TTN: variants seen among roughly 807,000 people sequenced by gnomAD.
TTN encodes titin, also known as connectin.
In TTN, 1,525 loss-of-function variants were observed where a neutral mutation model predicts 3,223.0. The observed-to-expected ratio is 0.47, with a 90% CI of 0.45 to 0.49. TTN has a LOEUF of 0.49. Among genes scored for constraint, TTN ranks in the 20% least tolerant of loss-of-function variants. The probability of loss-of-function intolerance (pLI) is 0.00; values close to 1 mark genes in which losing one functional copy is unlikely to be tolerated. For missense variants in TTN, 40,786 were observed against 43,424.0 expected, an observed-to-expected ratio of 0.94 and a Z score of 5.40; for synonymous variants, 14,094 against 15,161.0, an observed-to-expected ratio of 0.93 and a Z score of 5.17.
chr2:178,609,626 A>G lies in TTN; in HGVS notation c.51740-56T>C, dbSNP rs1023885753. Reference sequence around the variant, plus strand: ...AATTCTGATGAAAATAACTGACAAAACATTATTTTCATTTATTTCAAAATG... The same window carrying G: ...AATTCTGATGAAAATAACTGACAAAGCATTATTTTCATTTATTTCAAAATG... On this transcript the variant is annotated intron_variant, in intron 272 of 362. Coordinates refer to ENST00000589042, the MANE Select transcript of TTN (RefSeq NM_001267550.2). 9.0e-6 allele frequency: 14 copies of G among 1,552,728 alleles called. No homozygotes were observed. In the African/African-American group the frequency reaches 1.1e-4, roughly 12 times the overall value.
At chr2:178,750,189 G>T in intron 47 of TTN, 1 of 1,613,182 alleles carries the variant, frequency 6.2e-7, no homozygotes, top group Non-Finnish European at 8.5e-7. Flanking sequence ...CTCATAGATG[G>T]ATGGGCGCCT....
intron 10 of TTN, 138 bp downstream of exon 10, chr2:178,791,934 C>T (rs951768784): frequency 1.2e-6 from 1 of 869,270 alleles, no homozygotes; most frequent in East Asian, 2.9e-5. Flanking sequence ...AGTTTCAATA[C>T]TAGACATAGA....
chr2:178,536,647 AAG>A, intron 356 of TTN, 72 bp from the exon 357 acceptor site: 1 of 1,336,034 alleles, frequency 7.5e-7, no homozygotes, highest in Non-Finnish European at 9.9e-7. Flanking sequence ...TTTTTTAAAA[AAG>A]AATGTTATAT....
chr2:178,639,802 TC>T lies in TTN; in HGVS notation c.40787-15del. On this transcript the variant is annotated splice_polypyrimidine_tract_variant and intron_variant, in intron 222 of 362. Coordinates refer to ENST00000589042, the MANE Select transcript of TTN (RefSeq NM_001267550.2). Reference sequence around the variant, plus strand: ...TTGTTTTCACTTCTGTAGAGAGAAGTCCATTGCATTAGTGTATCAATTTGTC... The same window carrying T: ...TTGTTTTCACTTCTGTAGAGAGAAGTCATTGCATTAGTGTATCAATTTGTC... The T allele has an allele frequency of 6.4e-7, 1 of 1,568,328 alleles. No individual in the cohort carries two copies. The highest frequency in any genetic ancestry group is 8.6e-7 in the Non-Finnish European group (1 of 1,161,578).
At chr2:178,729,604 G>C in intron 63 of TTN, 38 bp from the exon 64 acceptor site, 1 of 1,612,750 alleles carries the variant, frequency 6.2e-7, no homozygotes, top group Non-Finnish European at 8.5e-7. Context: ...TTACTCAAGG[G>C]AAGACCCCAA....
intron 114 of TTN, 41 bp from the exon 115 acceptor site, chr2:178,695,451 G>C (rs1560451226): frequency 1.3e-6 from 2 of 1,524,422 alleles, no homozygotes; most frequent in Non-Finnish European, 1.8e-6. Context: ...TGCTTAAATA[G>C]GTAAGTTCTC....
Position 178,565,381 on chromosome 2 carries a change from A to G in TTN, c.80751T>C (p.Gly26917=). 1 of 1,613,560 alleles carries G rather than the reference A, an allele frequency of 6.2e-7. No homozygotes were observed. ...CTCTTGTTGTCTGTTTAAGAGGCTCACCATCTTTGACCCAAGAAATGTTAG... is the reference window on the plus strand; with the variant it reads ...CTCTTGTTGTCTGTTTAAGAGGCTCGCCATCTTTGACCCAAGAAATGTTAG... The part of the protein sequence containing the change: ...PRPNISWVKD[G]EPLKQTTRVN... The change falls in exon 326 of 363, where the codon GGT becomes GGC. Residue 26917 remains glycine, a synonymous_variant. Coordinates refer to ENST00000589042, the MANE Select transcript of TTN (RefSeq NM_001267550.2).
Position 178,712,046 on chromosome 2 carries a change from G to C in TTN, c.27784C>G (p.Leu9262Val), listed in dbSNP as rs897313799. Reference protein sequence around the residue: ...KMHFRNNVATLVFNQVDINDS... With the variant: ...KMHFRNNVATVVFNQVDINDS... ...TTAATATCAACCTGGTTGAAAACCAGTGTAGCAACATTATTCCTAAAATGC... is the reference window on the plus strand; with the variant it reads ...TTAATATCAACCTGGTTGAAAACCACTGTAGCAACATTATTCCTAAAATGC... Residue 9262 changes from leucine (L) to valine (V), a missense_variant, in exon 96 of 363, where the codon CTG becomes GTG. Leu to Val is a conservative substitution (Grantham distance 32). Coordinates refer to ENST00000589042, the MANE Select transcript of TTN (RefSeq NM_001267550.2). The C allele has an allele frequency of 6.2e-7, 1 of 1,613,712 alleles. No homozygotes were observed. Among genetic ancestry groups the C allele is most frequent in the African/African-American group, 1.3e-5 (1 of 74,916 alleles).
chr2:178,572,239 A>G lies in TTN; in HGVS notation c.73893T>C (p.Asn24631=), dbSNP rs1226900593. ...GTTTCTCCCAAGAGAGTGACACACTATTTCTTGTGACATCCATCAAAGTTA... is the reference window on the plus strand; with the variant it reads ...GTTTCTCCCAAGAGAGTGACACACTGTTTCTTGTGACATCCATCAAAGTTA... ...GKITLMDVTR[N]SVSLSWEKPE... Residue 24631 remains asparagine (N), a synonymous_variant, in exon 326 of 363, where the codon AAT becomes AAC. Coordinates refer to ENST00000589042, the MANE Select transcript of TTN (RefSeq NM_001267550.2). 2 of 1,613,228 alleles carry G rather than the reference A, an allele frequency of 1.2e-6. No individual in the cohort carries two copies. The highest frequency in any genetic ancestry group is 1.7e-5 in the Admixed American group (1 of 59,952).
chr2:178,706,767 A>T (rs777184585), intron 101 of TTN, 28 bp from the exon 102 acceptor site: 8 of 1,597,382 alleles, frequency 5.0e-6, no homozygotes. Flanking sequence ...CAAGTGAATA[A>T]AAATTTAATT....
chr2:178,577,595 G>A lies in TTN; in HGVS notation c.68824+7C>T, dbSNP rs770203042. On this transcript the variant is annotated splice_region_variant and intron_variant, in intron 323 of 362. Coordinates refer to ENST00000589042, the MANE Select transcript of TTN (RefSeq NM_001267550.2). ...AAAAAAGTACATAAAAAGTAAAATGGACCTACCGTATTCATCCTTGCAAAT... is the reference window on the plus strand; with the variant it reads ...AAAAAAGTACATAAAAAGTAAAATGAACCTACCGTATTCATCCTTGCAAAT... 1 of 1,578,664 alleles carries A rather than the reference G, an allele frequency of 6.3e-7. No homozygotes were observed. Among genetic ancestry groups the A allele is most frequent in the Non-Finnish European group, 8.6e-7 (1 of 1,164,818 alleles).
intron 167 of TTN, 35 bp downstream of exon 167, chr2:178,664,619 T>C (rs1387382348): frequency 6.2e-7 from 1 of 1,608,944 alleles, no homozygotes; most frequent in South Asian, 1.1e-5. Context: ...AGAAAAGACA[T>C]GTTCCCACCC....
Position 178,569,300 on chromosome 2 carries a change from G to C in TTN, c.76832C>G (p.Thr25611Arg). Residue 25611 changes from threonine to arginine, a missense_variant, in exon 326 of 363, where the codon ACA becomes AGA. Physicochemically the swap from Thr to Arg is moderately conservative, Grantham distance 71. Coordinates refer to ENST00000589042, the MANE Select transcript of TTN (RefSeq NM_001267550.2). ...TGATACTGAGTCTTTGGTGATTTCTGTGACTTTCAGGTTAACAGGTGGACT... is the reference window on the plus strand; with the variant it reads ...TGATACTGAGTCTTTGGTGATTTCTCTGACTTTCAGGTTAACAGGTGGACT... ...TPSPPVNLKV[T>R]EITKDSVSIT... The C allele has an allele frequency of 6.2e-7, 1 of 1,611,440 alleles. No individual in the cohort carries two copies. Among genetic ancestry groups the C allele is most frequent in the Non-Finnish European group, 8.5e-7 (1 of 1,178,522 alleles).
At chr2:178,617,065 T>C in intron 255 of TTN, 52 bp from the exon 256 acceptor site, 1 of 1,610,876 alleles carries the variant, frequency 6.2e-7, no homozygotes, top group Non-Finnish European at 8.5e-7. Flanking sequence ...AAGTCCCTGT[T>C]GCCCCAAAGT....
In TTN at chr2:178,740,857, C is replaced by A; in HGVS notation, c.12376G>T (p.Glu4126Ter). The change falls in exon 48 of 363, where the codon GAA (glutamate) becomes TAA (stop). Residue 4126 changes from glutamate to a stop codon, truncating the protein, a stop_gained. Transcript: ENST00000589042. LOFTEE classifies it high-confidence loss of function. ...ATGCAAAGAAATTCCCTGGTGCTTT[C>A]AGGAGTGAGCTTGTCTTGCTCCAAA... ...SILEQDKLTP[E>*]STREFLCING... 1 of 1,613,878 alleles carries A rather than the reference C, an allele frequency of 6.2e-7. No homozygotes were observed. The highest frequency in any genetic ancestry group is 8.5e-7 in the Non-Finnish European group (1 of 1,179,828).
In TTN at chr2:178,533,110, G is replaced by A. The variant is rs1223855985; in HGVS notation, c.103505C>T (p.Ala34502Val). The change falls in exon 358 of 363, where the codon GCT (alanine) becomes GTT (valine). Residue 34502 changes from alanine (A) to valine (V), a missense_variant. Ala to Val is a moderately conservative substitution (Grantham distance 64). Transcript: ENST00000589042. ...SVPLTQVAKE[A>V]LREAAVLYKP... Reference sequence around the variant, plus strand: ...ATAAAGGACAGCAGCTTCTCTCAGAGCCTCTTTAGCTACCTGTGTCAGTGG... The same window carrying A: ...ATAAAGGACAGCAGCTTCTCTCAGAACCTCTTTAGCTACCTGTGTCAGTGG... The A allele has an allele frequency of 3.7e-6, 6 of 1,613,844 alleles. No individual in the cohort carries two copies. The Admixed American group carries it at 1.0e-4, about 27-fold the overall frequency.
In TTN at chr2:178,665,777, G is replaced by T. The variant is rs1266298136; in HGVS notation, c.35890C>A (p.Arg11964=). 2.3e-6 allele frequency: 3 copies of T among 1,294,556 alleles called. No individual in the cohort carries two copies. The highest frequency in any genetic ancestry group is 5.8e-4 in the Middle Eastern group (2 of 3,442). 80.2% of individuals were successfully genotyped at this position (1,294,556 alleles called of 1,614,324 possible). A position where few individuals can be genotyped will look rare whatever the true frequency, so the allele number is the denominator to read the frequency against. ...TPSPTVPESP[R]EIVPVKETPM... is the part of the protein sequence containing the mutation. Reference sequence around the variant, plus strand: ...GTTTCCTTTACAGGGACAATTTCTCGAGGTGATTCAGGCACTTTAAAGATA... The same window carrying T: ...GTTTCCTTTACAGGGACAATTTCTCTAGGTGATTCAGGCACTTTAAAGATA... The change falls in exon 164 of 363, where the codon CGA becomes AGA. Residue 11964 remains arginine, a synonymous_variant. Transcript: ENST00000589042.
chr2:178,718,379 AGCTG>A lies in TTN; in HGVS notation c.24723_24726del (p.Ser8242AlafsTer2). The stretch of plus-strand genomic sequence containing the variant: ...TGACCAGCCTCATTTTCTATCAGGC[AGCTG>A]TACTGTGCATAATCCTCTATTGTGC... On this transcript the variant is annotated frameshift_variant, in exon 85 of 363. Transcript: ENST00000589042. LOFTEE classifies it high-confidence loss of function. 1 of 1,613,826 alleles carries A rather than the reference AGCTG, an allele frequency of 6.2e-7. No homozygotes were observed.
Position 178,732,110 on chromosome 2 carries a change from T to C in TTN, c.16859A>G (p.Asn5620Ser), listed in dbSNP as rs747660270. ...DSGEYMCEAQNEAGSDHCSSI... is the reference protein window; with the variant it reads ...DSGEYMCEAQSEAGSDHCSSI... ...ACTGCAGTGGTCACTGCCAGCCTCA[T>C]TTTGGGCCTCACACATATATTCACC... is the stretch of plus-strand genomic sequence containing the variant. Residue 5620 changes from asparagine to serine, a missense_variant, in exon 57 of 363, where the codon AAT becomes AGT. Physicochemically the swap from Asn to Ser is conservative, Grantham distance 46. Coordinates refer to ENST00000589042, the MANE Select transcript of TTN (RefSeq NM_001267550.2). 6.2e-7 allele frequency: 1 copy of C among 1,613,074 alleles called. No individual in the cohort carries two copies. The highest frequency in any genetic ancestry group is 8.5e-7 in the Non-Finnish European group (1 of 1,179,234).
Sources: allele counts gnomAD v4.1 joint callset, GRCh38; gene constraint gnomAD v4.1.1; transcripts MANE v1.5; gene names NCBI Gene and HGNC (gene_info 2026-07-23, HGNC 2026-07-21).